The following CAMTA1 variants were observed in gnomAD, a reference collection of about 807,000 sequenced individuals.
CAMTA1 encodes calmodulin binding transcription activator 1, also known as calmodulin-binding transcription activator 1.
In CAMTA1, 27 loss-of-function variants were observed where a neutral mutation model predicts 170.9. That is an observed-to-expected ratio of 0.16 (90% CI 0.12 to 0.22). The LOEUF (loss-of-function observed/expected upper bound fraction) is 0.22, where lower values mean the gene tolerates loss of function less well. Ranked by LOEUF, CAMTA1 falls within the 10% of genes least tolerant of loss-of-function variation. CAMTA1 has a pLI of 1.00. For synonymous variants in CAMTA1, 833 were observed against 891.5 expected, an observed-to-expected ratio of 0.93 and a Z score of 1.17; for missense variants, 1,619 against 2,217.2, an observed-to-expected ratio of 0.73 and a Z score of 5.42.
chr1:6,852,440 A>T (rs1660757015), intron 3 of CAMTA1, among the ~76,000 whole-genome samples: 1 of 152,190 alleles, frequency 6.6e-6, no homozygotes. Flanking sequence ...GCCTCACAAG[A>T]TTGCTTAGAA....
Position 7,746,103 on chromosome 1 carries a change from C to A in CAMTA1, c.4617+12C>A. 6.2e-7 allele frequency: 1 copy of A among 1,609,546 alleles called. No homozygotes were observed. The highest frequency in any genetic ancestry group is 1.3e-5 in the African/African-American group (1 of 74,942). On this transcript the variant is annotated intron_variant, in intron 18 of 22. Transcript: ENST00000303635. The stretch of plus-strand genomic sequence containing the variant: ...TCCGGAAATACAAGGTAAACTAGAA[C>A]AGAACCTTCGTTTTGTGACATTCTT...
intron 3 of CAMTA1, among the ~76,000 whole-genome samples, chr1:6,857,470 C>T (rs777850136): frequency 6.6e-6 from 1 of 152,138 alleles, no homozygotes; most frequent in Non-Finnish European, 1.5e-5. Context: ...CAAACAAAAC[C>T]AAAGCAGTTG....
At chr1:7,428,494 T>C (rs983659759) in intron 5 of CAMTA1, among the ~76,000 whole-genome samples, 8 of 152,084 alleles carry the variant, frequency 5.3e-5, no homozygotes, top group Non-Finnish European at 7.4e-5. Context: ...TTGCCTCTGG[T>C]GGCTTCCCGG....
chr1:7,192,667 G>C (rs1384861764), intron 4 of CAMTA1, among the ~76,000 whole-genome samples: 2 of 152,220 alleles, frequency 1.3e-5, no homozygotes, highest in Non-Finnish European at 2.9e-5. Context: ...CTGCCCGCCA[G>C]TGTGTGCTGG....
chr1:7,491,217 G>A (rs1007294001), intron 6 of CAMTA1, among the ~76,000 whole-genome samples: 5 of 152,046 alleles, frequency 3.3e-5, no homozygotes, highest in East Asian at 1.9e-4. Flanking sequence ...CACCTGAGCC[G>A]CACTCACCAA....
rs562481025 is a variant in CAMTA1 at position 7,615,085 on chromosome 1, C to T, written c.511-25315C>T. Among the ~76,000 whole-genome samples the T allele has an allele frequency of 1.1e-4, 16 of 152,258 alleles. 1 individual carries two copies. In the South Asian group the frequency reaches 1.9e-3, roughly 18 times the overall value. On this transcript the variant is annotated intron_variant, in intron 6 of 22. Coordinates refer to ENST00000303635, the MANE Select transcript of CAMTA1 (RefSeq NM_015215.4). The stretch of plus-strand genomic sequence containing the variant: ...TTCATGTGTGTATTCATCCATACGA[C>T]GTGTTTGCTGAAGTGATTGGAATGT...
At chr1:6,809,023 CTTT>C (rs1393770766) in intron 1 of CAMTA1, among the ~76,000 whole-genome samples, 1 of 148,712 alleles carries the variant, frequency 6.7e-6, no homozygotes, top group Non-Finnish European at 1.5e-5. Context: ...TCTTCTTCTT[CTTT>C]TTCTTTTTTT....
chr1:7,336,118 A>G lies in CAMTA1; in HGVS notation c.438+86492A>G, dbSNP rs2083368923. ...GGCCGCTCTCACCCTCTGCCTGGCC[A>G]TGGCCTGCCTGGACTGGGTGTTGGG... is the stretch of plus-strand genomic sequence containing the variant. On this transcript the variant is annotated intron_variant, in intron 5 of 22. Transcript: ENST00000303635. 2.6e-5 allele frequency among the ~76,000 whole-genome samples: 4 copies of G among 152,312 alleles called. No homozygotes were observed. In the South Asian group the frequency reaches 6.2e-4, roughly 24 times the overall value.
At position 7,325,405 on chromosome 1, in the gene CAMTA1, A is replaced by ATGAGGTG. The variant is rs1279065853; in HGVS notation, c.438+75779_438+75780insTGAGGTG. On this transcript the variant is annotated intron_variant, in intron 5 of 22. Coordinates refer to ENST00000303635, the MANE Select transcript of CAMTA1 (RefSeq NM_015215.4). The surrounding 1 kb of genome is among the most constrained non-coding windows in gnomAD (Gnocchi z 5.0). ...AAGCCATGTCTGCCTGGGAGGGGAA[A>ATGAGGTG]CACTGAGGTGGAGGGACAGCCAGTA... Among the ~76,000 whole-genome samples, 1 of 152,154 alleles carries ATGAGGTG rather than the reference A, an allele frequency of 6.6e-6. No individual in the cohort carries two copies. The highest frequency in any genetic ancestry group is 1.9e-4 in the East Asian group (1 of 5,192).
intron 6 of CAMTA1, among the ~76,000 whole-genome samples, chr1:7,627,722 C>T (rs1382206057): frequency 6.6e-6 from 1 of 152,204 alleles, no homozygotes; most frequent in African/African-American, 2.4e-5. Context: ...ATGGGCAGGG[C>T]TTTGATGGAC....
rs56349198 is a variant in CAMTA1, at chr1:7,552,191, A to AC, written c.510+84297dup. Among the ~76,000 whole-genome samples the AC allele has an allele frequency of 4.0e-5, 6 of 151,466 alleles. No individual in the cohort carries two copies. In the East Asian group the frequency reaches 1.2e-3, roughly 30 times the overall value. ...GAAGTAGCCTTCTGAAGGCCACCAC[A>AC]CCCCCCCAGTGCCACCCAGCCTAGC... On this transcript the variant is annotated intron_variant, in intron 6 of 22. Transcript: ENST00000303635.
chr1:7,133,442 A>G (rs1275330375), intron 4 of CAMTA1, among the ~76,000 whole-genome samples: 4 of 152,068 alleles, frequency 2.6e-5, no homozygotes, highest in Non-Finnish European at 5.9e-5. Flanking sequence ...CATCCCTTAT[A>G]TTAATAATTT....
chr1:6,847,869 A>ATT lies in CAMTA1; in HGVS notation c.234+22673_234+22674dup, dbSNP rs70984025. On this transcript the variant is annotated intron_variant, in intron 3 of 22. Coordinates refer to ENST00000303635, the MANE Select transcript of CAMTA1 (RefSeq NM_015215.4). Reference sequence around the variant, plus strand: ...CAGGCACGCATGTGGCACCCAGCTAATTTTTTTTTTTTTTTGTATTTTTAG... The same window carrying ATT: ...CAGGCACGCATGTGGCACCCAGCTAATTTTTTTTTTTTTTTTTGTATTTTTAG... Among the ~76,000 whole-genome samples, 724 of 139,370 alleles carry ATT rather than the reference A, an allele frequency of 5.2e-3. 6 individuals are homozygous for ATT. The highest frequency in any genetic ancestry group is 0.013 in the African/African-American group (503 of 37,476). 91.4% of individuals were successfully genotyped at this position (139,370 alleles called of 152,430 possible). A position where few individuals can be genotyped will look rare whatever the true frequency, so the allele number is the denominator to read the frequency against.
intron 4 of CAMTA1, among the ~76,000 whole-genome samples, chr1:7,185,915 C>G (rs748915849): frequency 9.9e-5 from 15 of 152,200 alleles, no homozygotes; most frequent in African/African-American, 3.1e-4. Context: ...AATGCTGGAT[C>G]GGATCCCGGA....
intron 5 of CAMTA1, among the ~76,000 whole-genome samples, chr1:7,304,258 C>T (rs1461327242): frequency 6.6e-6 from 1 of 152,126 alleles, no homozygotes; most frequent in Non-Finnish European, 1.5e-5. Context: ...TTTAAAAAGA[C>T]CTCGAGATGG....
At chr1:7,316,962 G>A (rs1342522042) in intron 5 of CAMTA1, among the ~76,000 whole-genome samples, 1 of 152,216 alleles carries the variant, frequency 6.6e-6, no homozygotes, top group African/African-American at 2.4e-5. Context: ...GTGGCCATGT[G>A]GGGCCTCAAC....
chr1:7,549,775 GGAA>G (rs1171638668), intron 6 of CAMTA1, among the ~76,000 whole-genome samples: 5 of 151,322 alleles, frequency 3.3e-5, no homozygotes, highest in South Asian at 2.1e-4. Flanking sequence ...ATGTGTTGTA[GGAA>G]GAAGAAAGAG....
At chr1:7,528,425 G>GTT (rs771509677) in intron 6 of CAMTA1, among the ~76,000 whole-genome samples, 1 of 151,406 alleles carries the variant, frequency 6.6e-6, no homozygotes, top group Non-Finnish European at 1.5e-5. Context: ...TAATATTTTG[G>GTT]TTTTTTAAAA....
In CAMTA1 at chr1:7,592,395, G is replaced by A. The variant is rs767415844; in HGVS notation, c.511-48005G>A. On this transcript the variant is annotated intron_variant, in intron 6 of 22. Transcript: ENST00000303635. This position sits in a 1 kb window ranked among gnomAD's most constrained non-coding sequence, Gnocchi z 4.6. ...CATTCGGTAGGCTGGGGGTCTGTTG[G>A]ATCCTGGCACCTTGCAGTAGTGTTG... 3.9e-5 allele frequency among the ~76,000 whole-genome samples: 6 copies of A among 152,160 alleles called. No individual in the cohort carries two copies. Among genetic ancestry groups the A allele is most frequent in the Non-Finnish European group, 7.4e-5 (5 of 68,018 alleles).
Sources: allele counts gnomAD v4.1 joint callset (sites outside exome capture counted in the v4.1 genomes callset), GRCh38; gene constraint gnomAD v4.1.1; non-coding constraint Gnocchi (gnomAD v3.1); transcripts MANE v1.5; gene names NCBI Gene and HGNC (gene_info 2026-07-23, HGNC 2026-07-21).